Variants in UST observed in about 807,000 individuals in gnomAD.
UST encodes the protein chondroitin sulfate 2-O-sulfotransferase.
Under a neutral mutation model 45.6 loss-of-function variants are expected in UST, and 21 were observed. The observed-to-expected ratio is 0.46, with a 90% CI of 0.33 to 0.66. The LOEUF (loss-of-function observed/expected upper bound fraction) is 0.66, where lower values mean the gene tolerates loss of function less well. Ranked by LOEUF, UST falls within the 30% of genes least tolerant of loss-of-function variation. The pLI, the probability that UST is intolerant of heterozygous loss-of-function variation, is 0.02. For missense variants in UST, 463 were observed against 512.4 expected, an observed-to-expected ratio of 0.90 and a Z score of 0.93; for synonymous variants, 215 against 200.6, an observed-to-expected ratio of 1.07 and a Z score of -0.61.
At chr6:148,862,004 C>G (rs1382699749) in intron 1 of UST, among the ~76,000 whole-genome samples, 1 of 152,162 alleles carries the variant, frequency 6.6e-6, no homozygotes, top group African/African-American at 2.4e-5. Context: ...CTGTAGATGT[C>G]TATTAGATCT....
chr6:149,036,462 C>T (rs1250077700), intron 7 of UST, among the ~76,000 whole-genome samples: 12 of 152,180 alleles, frequency 7.9e-5, no homozygotes, highest in Non-Finnish European at 1.5e-4. Flanking sequence ...TAATAAAATG[C>T]CATCTTTAAT....
At chr6:148,811,422 G>A (rs1291556870) in intron 1 of UST, among the ~76,000 whole-genome samples, 1 of 152,224 alleles carries the variant, frequency 6.6e-6, no homozygotes, top group South Asian at 2.1e-4. Context: ...TGAGGAAAGA[G>A]ACTCTGCTTC....
chr6:148,764,046 T>C (rs898429483), intron 1 of UST, among the ~76,000 whole-genome samples: 1 of 152,230 alleles, frequency 6.6e-6, no homozygotes, highest in Non-Finnish European at 1.5e-5. Flanking sequence ...CATCGGTAAT[T>C]TGATAGGAAT....
At chr6:148,945,387 G>A (rs142178463) in intron 3 of UST, among the ~76,000 whole-genome samples, 1 of 152,322 alleles carries the variant, frequency 6.6e-6, no homozygotes, top group African/African-American at 2.4e-5. Context: ...CTGGATAGCA[G>A]AATCTCAGCA....
At chr6:149,010,214 T>C (rs1251981369) in intron 5 of UST, among the ~76,000 whole-genome samples, 1 of 152,236 alleles carries the variant, frequency 6.6e-6, no homozygotes, top group Non-Finnish European at 1.5e-5. Context: ...TATTTTGTTA[T>C]AGAAATAGAA....
intron 5 of UST, among the ~76,000 whole-genome samples, chr6:148,976,457 T>C (rs2114974319): frequency 6.6e-6 from 1 of 152,298 alleles, no homozygotes; most frequent in South Asian, 2.1e-4. Context: ...CTGTCAAGGG[T>C]ACATCAGAAT....
Position 148,969,333 on chromosome 6 carries a change from G to A in UST, c.681+4770G>A, listed in dbSNP as rs186529746. ...TATCTATGTTTTCCAAATACGTGAC[G>A]GTAAGAAAGTTACGCTCTTGGTCTT... On this transcript the variant is annotated intron_variant, in intron 5 of 7. Coordinates refer to ENST00000367463, the MANE Select transcript of UST (RefSeq NM_005715.3). 5.7e-4 allele frequency among the ~76,000 whole-genome samples: 87 copies of A among 152,282 alleles called. 1 individual carries two copies. The highest frequency in any genetic ancestry group is 9.3e-4 in the Non-Finnish European group (63 of 68,022).
chr6:149,058,345 ATG>A (rs56994081), intron 7 of UST, among the ~76,000 whole-genome samples: 5,983 of 119,568 alleles, frequency 0.05, 194 homozygotes, highest in East Asian at 0.15. Context: ...AAGGAGGAGC[ATG>A]TGTGTGTGTG....
intron 5 of UST, among the ~76,000 whole-genome samples, chr6:148,988,506 G>A (rs1362591387): frequency 6.7e-6 from 1 of 150,238 alleles, no homozygotes; most frequent in African/African-American, 2.5e-5. Flanking sequence ...CTTGGGAGGT[G>A]GAGGTTGCAG....
At chr6:148,897,956 C>T (rs76433359) in intron 2 of UST, among the ~76,000 whole-genome samples, 2,897 of 151,942 alleles carry the variant, frequency 0.019, 88 homozygotes, top group African/African-American at 0.062. Flanking sequence ...TTGTTTTTTC[C>T]TAAGAATATA....
At chr6:148,787,240 G>T (rs2114697562) in intron 1 of UST, among the ~76,000 whole-genome samples, 1 of 152,156 alleles carries the variant, frequency 6.6e-6, no homozygotes, top group South Asian at 2.1e-4. Flanking sequence ...TGCTTTTGTT[G>T]TCTTCATCAT....
chr6:148,974,410 C>T (rs1232625167), intron 5 of UST, among the ~76,000 whole-genome samples: 2 of 152,104 alleles, frequency 1.3e-5, no homozygotes, highest in African/African-American at 2.4e-5. Context: ...ATTTGCTAAG[C>T]ACATGTAACA....
intron 1 of UST, among the ~76,000 whole-genome samples, chr6:148,751,469 C>G (rs1271503393): frequency 2.0e-5 from 3 of 152,096 alleles, no homozygotes; most frequent in Non-Finnish European, 4.4e-5. Context: ...CTTTCTCTTC[C>G]CCATAGGAGA....
At chr6:148,974,541 C>T (rs1780978821) in intron 5 of UST, among the ~76,000 whole-genome samples, 1 of 152,104 alleles carries the variant, frequency 6.6e-6, no homozygotes, top group Non-Finnish European at 1.5e-5. Context: ...CATGTTCTTT[C>T]TGGGAAAGCA....
In UST at chr6:148,860,107, T is replaced by C. The variant is rs148944556; in HGVS notation, c.248-26879T>C. Among the ~76,000 whole-genome samples, 873 of 152,346 alleles carry C rather than the reference T, an allele frequency of 5.7e-3. 16 individuals carry two copies. The highest frequency in any genetic ancestry group is 0.02 in the African/African-American group (827 of 41,580). On this transcript the variant is annotated intron_variant, in intron 1 of 7. Transcript: ENST00000367463. ...GGGCAGTATGGCCATTTTCACGATA[T>C]TGATTCTTCCTATCCATGAGCATGG...
At chr6:148,992,997 G>T in intron 5 of UST, 2 of 985,394 alleles carry the variant, frequency 2.0e-6, no homozygotes, top group Non-Finnish European at 2.4e-6. Flanking sequence ...CCTTTGGGCG[G>T]CTCAGCATTC....
intron 2 of UST, among the ~76,000 whole-genome samples, chr6:148,891,180 C>G (rs573321668): frequency 6.6e-6 from 1 of 152,244 alleles, no homozygotes; most frequent in Middle Eastern, 3.4e-3. Flanking sequence ...GCTTCAGTGC[C>G]GTGGCCTCTG....
intron 1 of UST, among the ~76,000 whole-genome samples, chr6:148,862,576 C>CG (rs1778340225): frequency 6.6e-6 from 1 of 152,188 alleles, no homozygotes; most frequent in Non-Finnish European, 1.5e-5. Flanking sequence ...TTAGTTGATG[C>CG]AGTTTCTTTC....
At chr6:148,968,094 G>C (rs139441744) in intron 5 of UST, among the ~76,000 whole-genome samples, 1 of 152,146 alleles carries the variant, frequency 6.6e-6, no homozygotes, top group Non-Finnish European at 1.5e-5. Flanking sequence ...ATTCCACTTC[G>C]GTGCTGTTTG....
Sources: gnomAD v4.1 joint callset for allele counts (sites outside exome capture counted in the v4.1 genomes callset) on GRCh38, gnomAD v4.1.1 for gene constraint, MANE v1.5 for transcripts, NCBI Gene and HGNC (gene_info 2026-07-23, HGNC 2026-07-21) for gene names.